The following TRAF2 variants were observed in gnomAD, a reference collection of about 807,000 sequenced individuals.
The protein encoded by TRAF2 is TNF receptor associated factor 2.
In TRAF2, 6 loss-of-function variants were observed where a neutral mutation model predicts 55.6. The ratio of observed to expected loss-of-function variants is 0.11; its 90% CI spans 0.06 to 0.21. TRAF2 has a LOEUF of 0.21. Ranked by LOEUF, TRAF2 falls within the 10% of genes least tolerant of loss-of-function variation. The pLI, the probability that TRAF2 is intolerant of heterozygous loss-of-function variation, is 1.00. For missense variants in TRAF2, 561 were observed against 684.5 expected, an observed-to-expected ratio of 0.82 and a Z score of 2.01; for synonymous variants, 329 against 276.3, an observed-to-expected ratio of 1.19 and a Z score of -1.89.
chr9:136,894,566 C>A (rs1288786832), intron 1 of TRAF2, among the ~76,000 whole-genome samples: 1 of 151,506 alleles, frequency 6.6e-6, no homozygotes, highest in Non-Finnish European at 1.5e-5. Context: ...GTTAAGGGAA[C>A]AGAGGAGAGC....
At chr9:136,891,683 C>T (rs918282422) in intron 1 of TRAF2, among the ~76,000 whole-genome samples, 1 of 151,874 alleles carries the variant, frequency 6.6e-6, no homozygotes, top group Non-Finnish European at 1.5e-5. Flanking sequence ...CACCAGGACA[C>T]TCTTCAGTGA....
chr9:136,924,762 C>T (rs769764587), intron 10 of TRAF2, among the ~76,000 whole-genome samples: 14 of 152,014 alleles, frequency 9.2e-5, no homozygotes, highest in Admixed American at 3.3e-4. Flanking sequence ...ATTGTTAAGA[C>T]GGAGTCTTGC....
intron 6 of TRAF2, among the ~76,000 whole-genome samples, chr9:136,914,964 G>T (rs1379992026): frequency 6.6e-6 from 1 of 152,040 alleles, no homozygotes. Flanking sequence ...CGGATCACCT[G>T]AGCTCAGGAG....
intron 6 of TRAF2, among the ~76,000 whole-genome samples, chr9:136,915,626 G>C (rs1414998216): frequency 2.0e-5 from 3 of 152,026 alleles, no homozygotes; most frequent in African/African-American, 7.2e-5. Flanking sequence ...TCAGGGACTC[G>C]AGCATCCTTG....
At position 136,915,283 on chromosome 9, in the gene TRAF2, C is replaced by T. The variant is rs138637775; in HGVS notation, c.604-1258C>T. On this transcript the variant is annotated intron_variant, in intron 6 of 10. Transcript: ENST00000247668. The stretch of plus-strand genomic sequence containing the variant: ...TCAGAGGGAAATGTGTCAGGCTCCC[C>T]GTCCGCAGCGCCGTGCGGTCGTTCA... Among the ~76,000 whole-genome samples the T allele has an allele frequency of 3.0e-3, 458 of 152,280 alleles. 3 individuals carry two copies. Among genetic ancestry groups the T allele is most frequent in the African/African-American group, 8.8e-3 (367 of 41,556 alleles).
At chr9:136,918,269 AATTAATTT>A (rs1310691765) in intron 7 of TRAF2, among the ~76,000 whole-genome samples, 7 of 104,684 alleles carry the variant, frequency 6.7e-5, no homozygotes, top group South Asian at 3.2e-4. Flanking sequence ...TTATTTAATT[AATTAATTT>A]ATTTATTTTT....
chr9:136,909,895 AC>A (rs1385664047), intron 5 of TRAF2, 24 bp from the exon 6 acceptor site: 6 of 1,613,746 alleles, frequency 3.7e-6, no homozygotes, highest in Non-Finnish European at 5.1e-6. Context: ...GTCCACCCTC[AC>A]ACTCCTGATC....
intron 4 of TRAF2, among the ~76,000 whole-genome samples, chr9:136,906,405 C>T (rs1345831602): frequency 6.6e-6 from 1 of 152,150 alleles, no homozygotes; most frequent in African/African-American, 2.4e-5. Context: ...GAGAAAGGCA[C>T]GTCTCACATG....
upstream of TRAF2, chr9:136,886,511 C>A (rs757624181): frequency 3.3e-4 from 328 of 992,858 alleles, no homozygotes; most frequent in Middle Eastern, 2.4e-3. Flanking sequence ...GCTGGGCGGG[C>A]CCTTAGTTCC....
intron 8 of TRAF2, among the ~76,000 whole-genome samples, 198 bp from the exon 9 acceptor site, chr9:136,920,840 A>G (rs1334807520): frequency 6.6e-6 from 1 of 152,032 alleles, no homozygotes; most frequent in Non-Finnish European, 1.5e-5. Flanking sequence ...GCTGGCCCGG[A>G]GCTTCTGTGT....
chr9:136,923,045 G>A (rs1449650772), intron 9 of TRAF2, among the ~76,000 whole-genome samples: 1 of 152,152 alleles, frequency 6.6e-6, no homozygotes, highest in Non-Finnish European at 1.5e-5. Flanking sequence ...ACAGTGTTCT[G>A]TCATGTGACT....
intron 4 of TRAF2, among the ~76,000 whole-genome samples, chr9:136,907,688 C>T (rs759892836): frequency 2.0e-5 from 3 of 152,094 alleles, no homozygotes; most frequent in East Asian, 1.9e-4. Flanking sequence ...GTCATCAGAT[C>T]GAGCGTGGCC....
Position 136,909,898 on chromosome 9 carries a change from C to A in TRAF2, c.529-22C>A, listed in dbSNP as rs777817774. ...CCTGGCATTGGCGTCCACCCTCACA[C>A]TCCTGATCCCTTCTTTTGAAGGCGC... On this transcript the variant is annotated intron_variant, in intron 5 of 10. Transcript: ENST00000247668. The A allele has an allele frequency of 1.3e-5, 21 of 1,613,962 alleles. No individual in the cohort carries two copies. In the East Asian group the frequency reaches 4.7e-4, roughly 36 times the overall value.
At chr9:136,910,280 T>C (rs984955278) in intron 6 of TRAF2, among the ~76,000 whole-genome samples, 8 of 152,222 alleles carry the variant, frequency 5.3e-5, no homozygotes, top group Non-Finnish European at 1.0e-4. Context: ...AATGAAACAT[T>C]AAAGTTCTCA....
intron 3 of TRAF2, among the ~76,000 whole-genome samples, chr9:136,900,127 C>T (rs1301558245): frequency 1.3e-5 from 2 of 150,360 alleles, no homozygotes; most frequent in South Asian, 4.2e-4. Context: ...AGATCGCATG[C>T]CACTGCACTC....
intron 1 of TRAF2, among the ~76,000 whole-genome samples, chr9:136,895,890 A>T (rs2131284257): frequency 6.7e-6 from 1 of 148,700 alleles, no homozygotes; most frequent in South Asian, 2.1e-4. Flanking sequence ...CTGAGAAGTC[A>T]TTCCTTAAGT....
At position 136,904,782 on chromosome 9, in the gene TRAF2, A is replaced by ATAGTTGCTTCATAAAAGCCATAG; in HGVS notation, c.367-3280_367-3279insTCATAAAAGCCATAGTAGTTGCT. 2.0e-5 allele frequency among the ~76,000 whole-genome samples: 3 copies of ATAGTTGCTTCATAAAAGCCATAG among 152,304 alleles called. No individual in the cohort carries two copies. The South Asian group carries it at 6.2e-4, about 32-fold the overall frequency. On this transcript the variant is annotated intron_variant, in intron 4 of 10. Transcript: ENST00000247668. Reference sequence around the variant, plus strand: ...TCGTTTTTAGGTTTCATAAGCCAGAATAGTTGCTGAGGCTCCTCTTTGATT... The same window carrying ATAGTTGCTTCATAAAAGCCATAG: ...TCGTTTTTAGGTTTCATAAGCCAGAATAGTTGCTTCATAAAAGCCATAGTAGTTGCTGAGGCTCCTCTTTGATT...
intron 10 of TRAF2, among the ~76,000 whole-genome samples, chr9:136,925,298 G>A (rs952706046): frequency 5.3e-5 from 8 of 152,100 alleles, no homozygotes; most frequent in African/African-American, 1.4e-4. Flanking sequence ...TGCTCTTCAC[G>A]AGTGGGCAGT....
At chr9:136,920,737 G>A (rs1297113965) in intron 8 of TRAF2, among the ~76,000 whole-genome samples, 1 of 152,236 alleles carries the variant, frequency 6.6e-6, no homozygotes, top group Non-Finnish European at 1.5e-5. Context: ...CTAGAGGCCA[G>A]GCCGTGGGCA....
Sources: gnomAD v4.1 joint callset for allele counts (sites outside exome capture counted in the v4.1 genomes callset) on GRCh38, gnomAD v4.1.1 for gene constraint, MANE v1.5 for transcripts, NCBI Gene and HGNC (gene_info 2026-07-23, HGNC 2026-07-21) for gene names.